SNX16: variants seen among roughly 807,000 people sequenced by gnomAD.
SNX16 encodes sorting nexin-16.
In SNX16, 35 loss-of-function variants were observed where a neutral mutation model predicts 36.7. That is an observed-to-expected ratio of 0.95 (90% confidence interval 0.73 to 1.27). The LOEUF is 1.27. Ranked by LOEUF, SNX16 falls within the 50% of genes most tolerant of loss-of-function variation. The probability of loss-of-function intolerance (pLI) is 0.00; values close to 1 mark genes in which losing one functional copy is unlikely to be tolerated. For missense variants in SNX16, 367 were observed against 393.6 expected, an observed-to-expected ratio of 0.93 and a Z score of 0.57; for synonymous variants, 134 against 132.0, an observed-to-expected ratio of 1.02 and a Z score of -0.10.
chr8:81,808,574 T>C, intron 5 of SNX16: 1 of 989,990 alleles, frequency 1.0e-6, no homozygotes, highest in Non-Finnish European at 1.6e-6. Context: ...GTTACAACAA[T>C]CAGTCTTCAA....
In SNX16 at chr8:81,808,434, T is replaced by C; in HGVS notation, c.682-5206A>G. ...TGACAACTTTGGTTGTGGAGGAAAC[T>C]TCAGGGGTCATGGTGGCTTTGCTGA... On this transcript the variant is annotated intron_variant, in intron 5 of 7. Transcript: ENST00000345957. The C allele has an allele frequency of 3.5e-6, 4 of 1,127,752 alleles. No individual in the cohort carries two copies. In the African/African-American group the frequency reaches 6.1e-5, roughly 17 times the overall value. 69.9% of individuals were successfully genotyped at this position (1,127,752 alleles called of 1,614,324 possible).
At chr8:81,835,172 G>A (rs1387635264) in intron 2 of SNX16, among the ~76,000 whole-genome samples, 1 of 152,224 alleles carries the variant, frequency 6.6e-6, no homozygotes, top group Admixed American at 6.5e-5. Flanking sequence ...GTCACGGCCT[G>A]AGCTCTATGT....
chr8:81,822,174 T>C (rs1459352204), intron 4 of SNX16, among the ~76,000 whole-genome samples: 1 of 151,900 alleles, frequency 6.6e-6, no homozygotes, highest in Non-Finnish European at 1.5e-5. Flanking sequence ...GTGGTAGTGG[T>C]GGTGAGTGGT....
At chr8:81,805,764 C>G (rs1003471652) in intron 5 of SNX16, among the ~76,000 whole-genome samples, 1 of 151,730 alleles carries the variant, frequency 6.6e-6, no homozygotes, top group African/African-American at 2.4e-5. Context: ...CTAAAAAATA[C>G]AAAAAAATTA....
At chr8:81,839,513 A>T in intron 2 of SNX16, 99 bp downstream of exon 2, 1 of 1,187,542 alleles carries the variant, frequency 8.4e-7, no homozygotes, top group Non-Finnish European at 1.2e-6. Flanking sequence ...TATTCAAGAA[A>T]TTATAAGTAC....
intron 3 of SNX16, 121 bp downstream of exon 3, chr8:81,829,309 T>C (rs1336148166): frequency 2.7e-6 from 1 of 372,328 alleles, no homozygotes; most frequent in African/African-American, 2.2e-5. Context: ...TTTAAAAAAT[T>C]AATTTTCTTA....
At chr8:81,832,433 G>A (rs79210643) in intron 2 of SNX16, among the ~76,000 whole-genome samples, 5 of 152,186 alleles carry the variant, frequency 3.3e-5, no homozygotes, top group Admixed American at 1.3e-4. Context: ...ATGAAGGGGG[G>A]AAGGAGTTGA....
intron 4 of SNX16, among the ~76,000 whole-genome samples, chr8:81,820,102 C>T (rs990582082): frequency 6.6e-6 from 1 of 152,082 alleles, no homozygotes; most frequent in Non-Finnish European, 1.5e-5. Context: ...TACCAGAATG[C>T]TAACAGGCAT....
At chr8:81,808,048 G>A (rs1183547102) in intron 5 of SNX16, 1 of 950,386 alleles carries the variant, frequency 1.1e-6, no homozygotes, top group African/African-American at 1.6e-5. Context: ...TGTCTCAAGG[G>A]AAGATTCTCA....
chr8:81,805,635 A>C (rs139966254), intron 5 of SNX16, among the ~76,000 whole-genome samples: 2 of 152,308 alleles, frequency 1.3e-5, no homozygotes, highest in African/African-American at 4.8e-5. Flanking sequence ...ACTACTAAGA[A>C]CAACAGTTTT....
chr8:81,815,789 T>G (rs13255262), intron 4 of SNX16: 108,166 of 161,820 alleles, frequency 0.67, 36,496 homozygotes, highest in South Asian at 0.71. Flanking sequence ...TTCAGTAGAT[T>G]CTTCTAAAGT....
intron 2 of SNX16, among the ~76,000 whole-genome samples, chr8:81,833,377 T>G (rs574310688): frequency 6.7e-6 from 1 of 150,194 alleles, no homozygotes; most frequent in South Asian, 2.2e-4. Flanking sequence ...GAGTTAAGGA[T>G]AAATCCTTTA....
chr8:81,807,766 G>A (rs1810034033), intron 5 of SNX16: 4 of 691,576 alleles, frequency 5.8e-6, no homozygotes, highest in South Asian at 3.2e-5. Context: ...TCTTCTCCCT[G>A]CTGTCATGTC....
At chr8:81,838,643 G>A (rs576428657) in intron 2 of SNX16, among the ~76,000 whole-genome samples, 1 of 150,038 alleles carries the variant, frequency 6.7e-6, no homozygotes, top group African/African-American at 2.4e-5. Flanking sequence ...GGTGGTTTAC[G>A]AATCTAAATG....
chr8:81,828,959 C>T (rs1461927051), intron 3 of SNX16, among the ~76,000 whole-genome samples: 2 of 152,130 alleles, frequency 1.3e-5, no homozygotes, highest in Non-Finnish European at 2.9e-5. Flanking sequence ...AATTCTCCTC[C>T]AGAGCCTCCA....
chr8:81,837,320 C>T (rs1811534105), intron 2 of SNX16, among the ~76,000 whole-genome samples: 1 of 152,148 alleles, frequency 6.6e-6, no homozygotes, highest in African/African-American at 2.4e-5. Flanking sequence ...TCATTTACTT[C>T]CTCCTCTCCA....
chr8:81,802,640 A>G, intron 6 of SNX16, 141 bp from the exon 7 acceptor site: 1 of 565,800 alleles, frequency 1.8e-6, no homozygotes, highest in Non-Finnish European at 2.9e-6. Context: ...CTCACTTTGG[A>G]AGTCAACAGA....
chr8:81,808,055 C>G, intron 5 of SNX16: 1 of 990,042 alleles, frequency 1.0e-6, no homozygotes, highest in Admixed American at 1.7e-5. Flanking sequence ...AGGGAAGATT[C>G]TCAAAGACCA....
intron 1 of SNX16, chr8:81,841,860 G>C (rs1811800474): frequency 6.6e-6 from 1 of 152,142 alleles, no homozygotes; most frequent in Non-Finnish European, 1.5e-5. Context: ...GCCGGTCACG[G>C]GTCTTCCGCA....
Sources: allele counts gnomAD v4.1 joint callset (sites outside exome capture counted in the v4.1 genomes callset), GRCh38; gene constraint gnomAD v4.1.1; transcripts MANE v1.5; gene names NCBI Gene and HGNC (gene_info 2026-07-23, HGNC 2026-07-21).